CERS6: variants seen among roughly 807,000 people sequenced by gnomAD.
CERS6 encodes the protein ceramide synthase 6.
CERS6 carries 26 observed loss-of-function variants against 56.8 expected under a neutral mutation model. The observed-to-expected ratio is 0.46, with a 90% CI of 0.34 to 0.63. The LOEUF (loss-of-function observed/expected upper bound fraction) is 0.63, where lower values mean the gene tolerates loss of function less well. Among genes scored for constraint, CERS6 ranks in the 30% least tolerant of loss-of-function variants. The pLI is 0.01. For synonymous variants in CERS6, 164 were observed against 173.3 expected, an observed-to-expected ratio of 0.95 and a Z score of 0.42; for missense variants, 415 against 467.5, an observed-to-expected ratio of 0.89 and a Z score of 1.04.
chr2:168,491,556 A>G (rs1694374886), intron 1 of CERS6, among the ~76,000 whole-genome samples: 1 of 152,174 alleles, frequency 6.6e-6, no homozygotes, highest in African/African-American at 2.4e-5. Flanking sequence ...AAGTAGACAC[A>G]GTAAGAAAGT....
At chr2:168,595,008 C>A (rs1683765938) in intron 3 of CERS6, among the ~76,000 whole-genome samples, 1 of 152,160 alleles carries the variant, frequency 6.6e-6, no homozygotes, top group Non-Finnish European at 1.5e-5. Context: ...AGTGCTGTTT[C>A]AGGGCTGTGA....
At chr2:168,668,043 G>A (rs527747254) in intron 4 of CERS6, among the ~76,000 whole-genome samples, 9 of 152,156 alleles carry the variant, frequency 5.9e-5, no homozygotes, top group Admixed American at 1.3e-4. Context: ...GTTGTAAATC[G>A]ATTTGAGGTT....
chr2:168,746,232 C>T (rs1684092334), intron 8 of CERS6, among the ~76,000 whole-genome samples: 1 of 152,168 alleles, frequency 6.6e-6, no homozygotes, highest in Non-Finnish European at 1.5e-5. Context: ...TAGGTTTTAG[C>T]AACCTCACTT....
At chr2:168,563,475 G>C (rs889384488) in intron 3 of CERS6, among the ~76,000 whole-genome samples, 1 of 152,186 alleles carries the variant, frequency 6.6e-6, no homozygotes, top group Non-Finnish European at 1.5e-5. Flanking sequence ...ATCTGAGTAT[G>C]TGTAGGTCAA....
At chr2:168,675,126 A>G (rs1441842506) in intron 4 of CERS6, among the ~76,000 whole-genome samples, 3 of 151,642 alleles carry the variant, frequency 2.0e-5, no homozygotes, top group Non-Finnish European at 4.4e-5. Context: ...GGCGCACACC[A>G]CCACACCTAG....
chr2:168,762,733 T>C (rs1684617310), intron 8 of CERS6, among the ~76,000 whole-genome samples: 1 of 152,216 alleles, frequency 6.6e-6, no homozygotes, highest in Admixed American at 6.5e-5. Context: ...AACATATGTG[T>C]ATTATGTATT....
chr2:168,575,004 G>A lies in CERS6; in HGVS notation c.407+13682G>A, dbSNP rs141165786. ...TTAAAGTGGCATGTAATTTGAAACTGTGGTTCCTTACTTGTCTAAACAGTA... is the reference window on the plus strand; with the variant it reads ...TTAAAGTGGCATGTAATTTGAAACTATGGTTCCTTACTTGTCTAAACAGTA... On this transcript the variant is annotated intron_variant, in intron 3 of 9. Transcript: ENST00000305747. 5.8e-3 allele frequency among the ~76,000 whole-genome samples: 880 copies of A among 152,212 alleles called. 11 individuals are homozygous for A. Among genetic ancestry groups the A allele is most frequent in the African/African-American group, 0.019 (792 of 41,532 alleles).
At chr2:168,601,570 G>A (rs543014473) in intron 3 of CERS6, among the ~76,000 whole-genome samples, 61 of 136,454 alleles carry the variant, frequency 4.5e-4, no homozygotes, top group African/African-American at 1.7e-3. Flanking sequence ...TTTTTTTTTT[G>A]AGACAGTCTC....
At chr2:168,554,835 TGAAAG>T (rs1695646562) in intron 2 of CERS6, among the ~76,000 whole-genome samples, 1 of 152,132 alleles carries the variant, frequency 6.6e-6, no homozygotes, top group South Asian at 2.1e-4. Flanking sequence ...AAGCATTAAA[TGAAAG>T]GAAGAATTGA....
At chr2:168,610,082 G>A (rs1378445555) in intron 3 of CERS6, among the ~76,000 whole-genome samples, 3 of 146,246 alleles carry the variant, frequency 2.1e-5, no homozygotes, top group East Asian at 2.1e-4. Flanking sequence ...GGTTCATGCC[G>A]TTCTCCTGCT....
At chr2:168,558,846 G>A (rs1695733564) in intron 2 of CERS6, among the ~76,000 whole-genome samples, 1 of 152,136 alleles carries the variant, frequency 6.6e-6, no homozygotes, top group South Asian at 2.1e-4. Context: ...TCCAGCCTGG[G>A]CGACAGAGCA....
chr2:168,521,747 C>A (rs1242441250), intron 1 of CERS6, among the ~76,000 whole-genome samples: 3 of 152,188 alleles, frequency 2.0e-5, no homozygotes, highest in Non-Finnish European at 4.4e-5. Flanking sequence ...GCTTCCCCTG[C>A]AAAGATTTCC....
chr2:168,556,006 A>G (rs1040922034), intron 2 of CERS6, among the ~76,000 whole-genome samples: 16 of 152,098 alleles, frequency 1.1e-4, no homozygotes, highest in African/African-American at 3.1e-4. Flanking sequence ...GTACAATACA[A>G]TGTTTCAGTA....
rs114181156 is a variant in CERS6, at chr2:168,474,830, C to T, written c.170+18212C>T. Among the ~76,000 whole-genome samples, 569 of 152,272 alleles carry T rather than the reference C, an allele frequency of 3.7e-3. 4 individuals carry two copies. The highest frequency in any genetic ancestry group is 0.012 in the African/African-American group (484 of 41,546). ...GTGAGTGTTGTGTTATATTCCTTTA[C>T]AACAAATAAAAGTCAACCATAAGTT... On this transcript the variant is annotated intron_variant, in intron 1 of 9. Transcript: ENST00000305747.
At chr2:168,705,763 C>T (rs1041610998) in intron 6 of CERS6, among the ~76,000 whole-genome samples, 2 of 152,084 alleles carry the variant, frequency 1.3e-5, no homozygotes, top group African/African-American at 2.4e-5. Context: ...CCCTACTGAT[C>T]ATTCTGGATG....
intron 2 of CERS6, among the ~76,000 whole-genome samples, chr2:168,560,231 C>G (rs1368908776): frequency 6.6e-6 from 1 of 152,156 alleles, no homozygotes; most frequent in Non-Finnish European, 1.5e-5. Context: ...GAGAACAGCA[C>G]AGGAAAGATC....
intron 1 of CERS6, among the ~76,000 whole-genome samples, chr2:168,511,016 T>C (rs1574033033): frequency 6.6e-6 from 1 of 152,172 alleles, no homozygotes; most frequent in Non-Finnish European, 1.5e-5. Context: ...TCACTGTTTA[T>C]CACTTTGCTG....
chr2:168,490,847 TATA>T (rs149183672), intron 1 of CERS6, among the ~76,000 whole-genome samples: 8,391 of 152,278 alleles, frequency 0.055, 331 homozygotes, highest in East Asian at 0.18. Context: ...TGATAGTGTG[TATA>T]ATGTCAACAG....
chr2:168,642,651 C>T (rs532295065), intron 4 of CERS6, among the ~76,000 whole-genome samples: 1 of 152,210 alleles, frequency 6.6e-6, no homozygotes, highest in Non-Finnish European at 1.5e-5. Flanking sequence ...CCTGGCACAG[C>T]ACAAGCTTTC....
Sources: gnomAD v4.1 joint callset for allele counts (sites outside exome capture counted in the v4.1 genomes callset) on GRCh38, gnomAD v4.1.1 for gene constraint, MANE v1.5 for transcripts, NCBI Gene and HGNC (gene_info 2026-07-23, HGNC 2026-07-21) for gene names.